The following HHIPL1 variants were observed in gnomAD, a reference collection of about 807,000 sequenced individuals.
HHIPL1 encodes the protein HHIP-like protein 1.
In HHIPL1, 43 loss-of-function variants were observed where a neutral mutation model predicts 61.8. The observed-to-expected ratio is 0.70, with a 90% confidence interval of 0.55 to 0.90. The LOEUF is 0.90. Among genes scored for constraint, HHIPL1 ranks in the 40% least tolerant of loss-of-function variants. HHIPL1 has a pLI of 0.00. For missense variants in HHIPL1, 1,056 were observed against 1,157.7 expected (o/e 0.91, Z 1.28); for synonymous variants, 482 against 515.8 (o/e 0.93, Z 0.89).
intron 5 of HHIPL1, among the ~76,000 whole-genome samples, chr14:99,661,419 AAAG>A (rs1362693525): frequency 2.1e-5 from 3 of 145,360 alleles, no homozygotes; most frequent in Non-Finnish European, 3.0e-5. Flanking sequence ...GAGAGAGAGA[AAAG>A]AAGGAAGGAA....
At chr14:99,653,743 T>C (rs1397950846) in intron 2 of HHIPL1, among the ~76,000 whole-genome samples, 4 of 152,224 alleles carry the variant, frequency 2.6e-5, no homozygotes, top group African/African-American at 9.6e-5. Context: ...ACTCTGTGGA[T>C]GATTTATGCC....
At chr14:99,663,735 T>C (rs967665392) in intron 6 of HHIPL1, among the ~76,000 whole-genome samples, 4 of 152,192 alleles carry the variant, frequency 2.6e-5, no homozygotes, top group African/African-American at 9.7e-5. Context: ...CGTTTGTTCC[T>C]ATGGAAAATG....
the HHIPL1 span, among the ~76,000 whole-genome samples, chr14:99,636,229 C>A: frequency 2.6e-5 from 4 of 151,840 alleles, no homozygotes; most frequent in African/African-American, 9.7e-5. Context: ...GCCGCTGAGT[C>A]CGTGTATGAC....
chr14:99,632,757 C>T, the HHIPL1 span, among the ~76,000 whole-genome samples: 3 of 152,180 alleles, frequency 2.0e-5, no homozygotes, highest in Admixed American at 6.5e-5. Context: ...GTGTCTGCAT[C>T]GTGGTGCACT....
upstream of HHIPL1, chr14:99,645,109 T>G: frequency 3.7e-6 from 4 of 1,076,504 alleles, no homozygotes; most frequent in Non-Finnish European, 4.7e-6. Context: ...GCCCTGCGTG[T>G]AGGGAAGGGG....
Position 99,659,632 on chromosome 14 carries a change from C to T in HHIPL1, c.1251C>T (p.Cys417=). The T allele has an allele frequency of 1.3e-6, 2 of 1,551,672 alleles. No homozygotes were observed. Among genetic ancestry groups the T allele is most frequent in the Admixed American group, 1.9e-5 (1 of 52,796 alleles). ...SSGTGRGRLF[C]GDVGQNKFEE... is the part of the protein sequence containing the mutation. ...GCACTGGCCGCGGGCGCCTCTTCTGCGGCGACGTGGGCCAGAACAAGTTCG... is the reference window on the plus strand; with the variant it reads ...GCACTGGCCGCGGGCGCCTCTTCTGTGGCGACGTGGGCCAGAACAAGTTCG... Residue 417 remains cysteine, a synonymous_variant, in exon 4 of 9, where the codon TGC becomes TGT. Transcript: ENST00000330710.
chr14:99,637,147 G>C, the HHIPL1 span, among the ~76,000 whole-genome samples: 1 of 100,214 alleles, frequency 1.0e-5, no homozygotes, highest in African/African-American at 3.5e-5. Context: ...AGAAAGGGAG[G>C]CAGAAAGAAA....
In HHIPL1 at chr14:99,659,616, G is replaced by A; in HGVS notation, c.1235G>A (p.Arg412His). 7.8e-6 allele frequency: 12 copies of A among 1,547,082 alleles called. No individual in the cohort carries two copies. Among genetic ancestry groups the A allele is most frequent in the Non-Finnish European group, 1.0e-5 (12 of 1,150,150 alleles). The change falls in exon 4 of 9, where the codon CGC (arginine) becomes CAC (histidine). Residue 412 changes from arginine (R) to histidine (H), a missense_variant. Arg to His is a conservative substitution (Grantham distance 29). Coordinates refer to ENST00000330710, the MANE Select transcript of HHIPL1 (RefSeq NM_001127258.3). ...DRGDPSSGTGRGRLFCGDVGQ... is the reference protein window; with the variant it reads ...DRGDPSSGTGHGRLFCGDVGQ... ...GGCGACCCCTCCTCGGGCACTGGCCGCGGGCGCCTCTTCTGCGGCGACGTG... is the reference window on the plus strand; with the variant it reads ...GGCGACCCCTCCTCGGGCACTGGCCACGGGCGCCTCTTCTGCGGCGACGTG...
chr14:99,636,301 G>A, the HHIPL1 span, among the ~76,000 whole-genome samples: 1 of 151,988 alleles, frequency 6.6e-6, no homozygotes, highest in Non-Finnish European at 1.5e-5. Context: ...CACATGGGTG[G>A]GGGTGGGGCA....
chr14:99,655,834 A>G (rs2056018820), intron 2 of HHIPL1, among the ~76,000 whole-genome samples: 1 of 152,230 alleles, frequency 6.6e-6, no homozygotes, highest in Non-Finnish European at 1.5e-5. Flanking sequence ...GAACAAAGGG[A>G]AAAAGTCCTT....
At chr14:99,650,780 G>C (rs1487179906) in intron 1 of HHIPL1, among the ~76,000 whole-genome samples, 3 of 152,262 alleles carry the variant, frequency 2.0e-5, no homozygotes, top group Non-Finnish European at 4.4e-5. Flanking sequence ...AGGAGCTGCT[G>C]TGATTGGTTA....
intron 1 of HHIPL1, among the ~76,000 whole-genome samples, chr14:99,646,812 G>GATATA (rs1225574554): frequency 1.2e-4 from 8 of 65,458 alleles, no homozygotes; most frequent in African/African-American, 3.3e-4. Flanking sequence ...GATATGATAT[G>GATATA]ATATGATATG....
chr14:99,651,198 G>A (rs2055924509), intron 1 of HHIPL1, among the ~76,000 whole-genome samples: 1 of 152,200 alleles, frequency 6.6e-6, no homozygotes, highest in Admixed American at 6.5e-5. Flanking sequence ...GCAGTGAGCT[G>A]AGATGGTGCC....
rs769968008 is a variant in HHIPL1 at position 99,652,431 on chromosome 14, G to A, written c.463G>A (p.Asp155Asn). Reference protein sequence around the residue: ...FCRYLSLDDTDYCFPYLLVNK... With the variant: ...FCRYLSLDDTNYCFPYLLVNK... ...CCGCTACCTGTCCCTGGATGACACG[G>A]ACTACTGCTTCCCTTACCTGCTGGT... The change falls in exon 2 of 9, where the codon GAC becomes AAC. Residue 155 changes from aspartate (D) to asparagine (N), a missense_variant. Physicochemically the swap from Asp to Asn is conservative, Grantham distance 23 (BLOSUM62 1). Coordinates refer to ENST00000330710, the MANE Select transcript of HHIPL1 (RefSeq NM_001127258.3). 1 of 1,614,190 alleles carries A rather than the reference G, an allele frequency of 6.2e-7. No individual in the cohort carries two copies. The highest frequency in any genetic ancestry group is 1.1e-5 in the South Asian group (1 of 91,088).
At chr14:99,657,783 C>G (rs191847498) in intron 3 of HHIPL1, among the ~76,000 whole-genome samples, 1 of 151,694 alleles carries the variant, frequency 6.6e-6, no homozygotes, top group Non-Finnish European at 1.5e-5. Context: ...GCTACATATA[C>G]ACAGCACACA....
intron 1 of HHIPL1, among the ~76,000 whole-genome samples, 187 bp downstream of exon 1, chr14:99,645,649 A>G (rs1377936521): frequency 1.3e-5 from 2 of 152,194 alleles, no homozygotes; most frequent in African/African-American, 4.8e-5. Context: ...TGGCTTTGCC[A>G]TTCATTAGTT....
At chr14:99,656,316 C>T (rs1038812930) in intron 2 of HHIPL1, among the ~76,000 whole-genome samples, 1 of 152,156 alleles carries the variant, frequency 6.6e-6, no homozygotes, top group Non-Finnish European at 1.5e-5. Flanking sequence ...AACGAGAAGA[C>T]TTGAGTTCTA....
chr14:99,612,404 G>C, the HHIPL1 span, among the ~76,000 whole-genome samples: 1 of 152,132 alleles, frequency 6.6e-6, no homozygotes, highest in Non-Finnish European at 1.5e-5. Context: ...TCATACTGGA[G>C]GTGCCCCATG....
At chr14:99,628,806 G>A in the HHIPL1 span, among the ~76,000 whole-genome samples, 2 of 151,980 alleles carry the variant, frequency 1.3e-5, no homozygotes, top group Admixed American at 1.3e-4. Flanking sequence ...TTCCCCTCTC[G>A]GGCCTCAGTT....
Sources: allele counts gnomAD v4.1 joint callset (sites outside exome capture counted in the v4.1 genomes callset), GRCh38; gene constraint gnomAD v4.1.1; transcripts MANE v1.5; gene names NCBI Gene and HGNC (gene_info 2026-07-23, HGNC 2026-07-21).